Variants in TRAPPC9 observed in about 807,000 individuals in gnomAD.
The protein encoded by TRAPPC9 is IKK2 binding protein.
A neutral mutation model predicts 124.0 loss-of-function variants in TRAPPC9; 83 were observed. That is an observed-to-expected ratio of 0.67 (90% CI 0.56 to 0.80). The LOEUF is 0.80. Ranked by LOEUF, TRAPPC9 falls within the 30% of genes least tolerant of loss-of-function variation. The probability of loss-of-function intolerance (pLI) is 0.00; values close to 1 mark genes in which losing one functional copy is unlikely to be tolerated. For synonymous variants in TRAPPC9, 638 were observed against 617.5 expected, an observed-to-expected ratio of 1.03 and a Z score of -0.49; for missense variants, 1,302 against 1,508.3, an observed-to-expected ratio of 0.86 and a Z score of 2.27.
chr8:139,879,879 G>A (rs1006988753), intron 21 of TRAPPC9, among the ~76,000 whole-genome samples: 3 of 152,216 alleles, frequency 2.0e-5, no homozygotes, highest in Non-Finnish European at 4.4e-5. Context: ...CCAGAGCTCA[G>A]AGCATAAGTA....
At chr8:140,083,639 T>C (rs767239212) in intron 17 of TRAPPC9, among the ~76,000 whole-genome samples, 1 of 149,202 alleles carries the variant, frequency 6.7e-6, no homozygotes, top group African/African-American at 2.5e-5. Flanking sequence ...ACAGAAGGGT[T>C]TGGTGTTTTT....
intron 20 of TRAPPC9, among the ~76,000 whole-genome samples, chr8:139,887,443 T>C (rs907178031): frequency 2.0e-4 from 31 of 152,134 alleles, no homozygotes; most frequent in African/African-American, 7.2e-4. Context: ...AGGCTGGTCT[T>C]GAACTCCTGA....
At chr8:140,330,071 C>G (rs2066856694) in intron 9 of TRAPPC9, among the ~76,000 whole-genome samples, 1 of 151,956 alleles carries the variant, frequency 6.6e-6, no homozygotes, top group African/African-American at 2.4e-5. Flanking sequence ...AAGAGCGAAA[C>G]TCAGTCTCAA....
rs543069725 is a variant in TRAPPC9, at chr8:140,276,631, C to T, written c.2115-810G>A. 2.6e-5 allele frequency among the ~76,000 whole-genome samples: 4 copies of T among 152,280 alleles called. No homozygotes were observed. The South Asian group carries it at 8.3e-4, about 32-fold the overall frequency. Reference sequence around the variant, plus strand: ...TCCTTCCCAATCCACAGGCTGCAAACAGTGGGTTGGGAAGGAGGTCACTGG... The same window carrying T: ...TCCTTCCCAATCCACAGGCTGCAAATAGTGGGTTGGGAAGGAGGTCACTGG... On this transcript the variant is annotated intron_variant, in intron 14 of 22. Transcript: ENST00000438773.
chr8:140,002,065 AC>A (rs1838435511), intron 18 of TRAPPC9, among the ~76,000 whole-genome samples: 1 of 152,208 alleles, frequency 6.6e-6, no homozygotes, highest in African/African-American at 2.4e-5. Flanking sequence ...AGCAGAAGAA[AC>A]ACTTCTCAGA....
At chr8:140,430,241 A>G (rs1290254657) in intron 4 of TRAPPC9, among the ~76,000 whole-genome samples, 1 of 152,148 alleles carries the variant, frequency 6.6e-6, no homozygotes, top group Non-Finnish European at 1.5e-5. Flanking sequence ...ATAGCAAAGG[A>G]TATCCTTATT....
intron 18 of TRAPPC9, among the ~76,000 whole-genome samples, chr8:140,014,366 C>T (rs1034270996): frequency 6.6e-6 from 1 of 152,106 alleles, no homozygotes; most frequent in African/African-American, 2.4e-5. Flanking sequence ...AAAAGCAAAT[C>T]TCAAAGGTAA....
At chr8:140,113,420 C>T (rs1326591003) in intron 17 of TRAPPC9, among the ~76,000 whole-genome samples, 5 of 152,202 alleles carry the variant, frequency 3.3e-5, no homozygotes, top group Admixed American at 3.3e-4. Context: ...CAGATGTTTG[C>T]CATCACTTAC....
chr8:139,749,095 G>A (rs113361703), intron 21 of TRAPPC9, among the ~76,000 whole-genome samples: 435 of 152,210 alleles, frequency 2.9e-3, no homozygotes, highest in African/African-American at 0.01. Context: ...GTCTGATCAC[G>A]TCCCCTGTGG....
chr8:139,929,967 G>C (rs576547318), intron 19 of TRAPPC9, among the ~76,000 whole-genome samples: 38 of 152,352 alleles, frequency 2.5e-4, no homozygotes, highest in African/African-American at 8.9e-4. Flanking sequence ...CTCAGGAGCA[G>C]CACCTGACAC....
intron 17 of TRAPPC9, among the ~76,000 whole-genome samples, chr8:140,068,741 C>T (rs573358902): frequency 6.6e-6 from 1 of 152,300 alleles, no homozygotes; most frequent in African/African-American, 2.4e-5. Context: ...CTACTCTGGA[C>T]GCTTGTTCAA....
At chr8:140,407,549 C>T (rs2069537629) in intron 5 of TRAPPC9, among the ~76,000 whole-genome samples, 1 of 152,068 alleles carries the variant, frequency 6.6e-6, no homozygotes, top group Admixed American at 6.6e-5. Flanking sequence ...CAAGTGCTCC[C>T]TCCACCTTTT....
intron 21 of TRAPPC9, among the ~76,000 whole-genome samples, chr8:139,755,919 C>A (rs1448728594): frequency 8.3e-6 from 1 of 121,114 alleles, no homozygotes; most frequent in Non-Finnish European, 1.7e-5. Context: ...CAGGAGGAGC[C>A]AGGGTTTGGG....
intron 17 of TRAPPC9, among the ~76,000 whole-genome samples, chr8:140,169,388 C>G (rs1330979422): frequency 7.9e-5 from 12 of 152,114 alleles, no homozygotes; most frequent in Admixed American, 7.9e-4. Flanking sequence ...TCAAACGGTT[C>G]AACAGAGAGT....
chr8:140,446,785 G>A (rs962620306), intron 2 of TRAPPC9, among the ~76,000 whole-genome samples: 1 of 151,986 alleles, frequency 6.6e-6, no homozygotes, highest in Non-Finnish European at 1.5e-5. Flanking sequence ...ACCCACCTCC[G>A]CCTTCCAAAG....
chr8:139,894,831 G>A (rs930141538), intron 20 of TRAPPC9, among the ~76,000 whole-genome samples: 6 of 152,162 alleles, frequency 3.9e-5, no homozygotes, highest in Admixed American at 3.3e-4. Context: ...CACGCTCAGA[G>A]CAGTGACCAA....
At chr8:140,426,682 A>G (rs1430802951) in intron 4 of TRAPPC9, 41 bp from the exon 5 acceptor site, 1 of 1,591,462 alleles carries the variant, frequency 6.3e-7, no homozygotes, top group South Asian at 1.1e-5. Flanking sequence ...TTTGGAAAAC[A>G]AAACTACTTT....
At chr8:140,151,948 C>T (rs2061549495) in intron 17 of TRAPPC9, among the ~76,000 whole-genome samples, 1 of 152,186 alleles carries the variant, frequency 6.6e-6, no homozygotes, top group South Asian at 2.1e-4. Context: ...CTCTGGCATT[C>T]ACTTTTGCCC....
At chr8:139,741,232 G>C (rs774161608) in intron 21 of TRAPPC9, among the ~76,000 whole-genome samples, 1 of 152,170 alleles carries the variant, frequency 6.6e-6, no homozygotes, top group Non-Finnish European at 1.5e-5. Flanking sequence ...ACTCCTCCTT[G>C]GTGCTCCTCT....
Sources: allele counts gnomAD v4.1 joint callset (sites outside exome capture counted in the v4.1 genomes callset), GRCh38; gene constraint gnomAD v4.1.1; transcripts MANE v1.5; gene names NCBI Gene and HGNC (gene_info 2026-07-23, HGNC 2026-07-21).